RPS6KA6: variants seen among roughly 807,000 people sequenced by gnomAD.
RPS6KA6 encodes the protein ribosomal protein S6 kinase alpha-6.
Under a neutral mutation model 65.4 loss-of-function variants are expected in RPS6KA6, and 27 were observed. The observed-to-expected ratio is 0.41, with a 90% CI of 0.30 to 0.57. The LOEUF is 0.57. Ranked by LOEUF, RPS6KA6 falls within the 20% of genes least tolerant of loss-of-function variation. The probability of loss-of-function intolerance (pLI) is 0.24; values close to 1 mark genes in which losing one functional copy is unlikely to be tolerated. For synonymous variants in RPS6KA6, 190 were observed against 184.2 expected (o/e 1.03, Z -0.26); for missense variants, 486 against 555.6 (o/e 0.87, Z 1.26).
intron 8 of RPS6KA6, among the ~76,000 whole-genome samples, chrX:84,129,606 T>C (rs1381579854): frequency 2.7e-5 from 3 of 111,579 alleles, no homozygotes; most frequent in South Asian, 3.7e-4. Flanking sequence ...TAAATGCCCA[T>C]TGACAGACAA....
At chrX:84,096,019 CATGGTAAAACCAAA>C (rs1425175721) in intron 20 of RPS6KA6, among the ~76,000 whole-genome samples, 161 bp downstream of exon 20, 1 of 111,789 alleles carries the variant, frequency 8.9e-6, no homozygotes, top group Non-Finnish European at 1.9e-5. Context: ...GGCCCAGAAA[CATGGTAAAACCAAA>C]AGTTATCCTT....
chrX:84,181,819 T>C (rs1043304939), intron 1 of RPS6KA6, among the ~76,000 whole-genome samples: 3 of 111,026 alleles, frequency 2.7e-5, no homozygotes, highest in African/African-American at 9.8e-5. Context: ...ATTTTAAACA[T>C]GTCATAGACC....
chrX:84,093,525 C>A (rs1043785546), intron 20 of RPS6KA6, among the ~76,000 whole-genome samples: 12 of 111,907 alleles, frequency 1.1e-4, no homozygotes, highest in African/African-American at 3.9e-4. Flanking sequence ...AACACTATCC[C>A]TAATATCTTA....
At chrX:84,106,545 T>A in intron 14 of RPS6KA6, 58 bp from the exon 15 acceptor site, 1 of 835,555 alleles carries the variant, frequency 1.2e-6, no homozygotes, top group Middle Eastern at 3.0e-4. Context: ...ACATTTTCTG[T>A]CTTTTGTCCT....
At chrX:84,105,631 G>T (rs2034343621) in intron 16 of RPS6KA6, among the ~76,000 whole-genome samples, 156 bp downstream of exon 16, 1 of 107,530 alleles carries the variant, frequency 9.3e-6, no homozygotes, top group Admixed American at 1.0e-4. Flanking sequence ...TAGAATCATG[G>T]GAAAAAAAAG....
chrX:84,164,259 C>A, intron 2 of RPS6KA6, 69 bp downstream of exon 2: 1 of 816,139 alleles, frequency 1.2e-6, no homozygotes, highest in South Asian at 2.2e-5. Context: ...AGGAGCTTTT[C>A]TCCTTTCCCT....
At chrX:84,166,219 C>T (rs748401182) in intron 1 of RPS6KA6, among the ~76,000 whole-genome samples, 10 of 111,577 alleles carry the variant, frequency 9.0e-5, no homozygotes, top group Non-Finnish European at 1.5e-4. Context: ...ACTTTGGAGT[C>T]AACCTAACTA....
At chrX:84,142,420 C>T (rs980957626) in intron 6 of RPS6KA6, among the ~76,000 whole-genome samples, 1 of 110,622 alleles carries the variant, frequency 9.0e-6, no homozygotes, top group African/African-American at 3.3e-5. Flanking sequence ...AAAGAAAGGC[C>T]TCAAATCAAT....
At chrX:84,183,170 C>T (rs1436454315) in intron 1 of RPS6KA6, among the ~76,000 whole-genome samples, 1 of 111,706 alleles carries the variant, frequency 9.0e-6, no homozygotes, top group African/African-American at 3.3e-5. Context: ...AATACAGAGA[C>T]TTATATTGGC....
At chrX:84,173,336 T>C (rs2035715600) in intron 1 of RPS6KA6, among the ~76,000 whole-genome samples, 1 of 110,775 alleles carries the variant, frequency 9.0e-6, no homozygotes, top group African/African-American at 3.3e-5. Context: ...AGCTCTACTT[T>C]TACTGCCTTT....
At chrX:84,137,537 A>C (rs139406469) in intron 6 of RPS6KA6, among the ~76,000 whole-genome samples, 3,792 of 111,555 alleles carry the variant, frequency 0.034, 67 homozygotes, top group Non-Finnish European at 0.056. Flanking sequence ...ATACACGATA[A>C]AATTATTTTC....
intron 20 of RPS6KA6, among the ~76,000 whole-genome samples, chrX:84,073,203 A>G (rs1307170755): frequency 1.8e-5 from 2 of 111,691 alleles, no homozygotes; most frequent in African/African-American, 3.3e-5. Context: ...AACAGAACAG[A>G]CAACACAGAA....
At chrX:84,096,393 A>C in intron 19 of RPS6KA6, 82 bp from the exon 20 acceptor site, 2 of 404,242 alleles carry the variant, frequency 4.9e-6, no homozygotes, top group Non-Finnish European at 8.3e-6. Flanking sequence ...TACTACATGC[A>C]AATATTTACT....
At chrX:84,158,090 C>T (rs1050826247) in intron 2 of RPS6KA6, among the ~76,000 whole-genome samples, 1 of 110,405 alleles carries the variant, frequency 9.1e-6, no homozygotes, top group Non-Finnish European at 1.9e-5. Context: ...GCAGGTATTA[C>T]ACCACATTGA....
chrX:84,130,537 G>T, intron 8 of RPS6KA6, among the ~76,000 whole-genome samples: 1 of 111,458 alleles, frequency 9.0e-6, no homozygotes, highest in Non-Finnish European at 1.9e-5. Context: ...ATGGTAAAAA[G>T]AAAACCTATA....
At chrX:84,180,092 A>G (rs1454874010) in intron 1 of RPS6KA6, among the ~76,000 whole-genome samples, 4 of 111,422 alleles carry the variant, frequency 3.6e-5, no homozygotes, top group African/African-American at 9.8e-5. Context: ...TTCCCCTCAT[A>G]TGACGTTTTT....
intron 20 of RPS6KA6, among the ~76,000 whole-genome samples, chrX:84,091,360 G>A (rs1209089086): frequency 2.7e-5 from 3 of 112,238 alleles, no homozygotes; most frequent in Non-Finnish European, 5.6e-5. Context: ...ATCCAATTGA[G>A]TACTCATTAT....
intron 3 of RPS6KA6, among the ~76,000 whole-genome samples, chrX:84,155,040 T>C (rs1339778758): frequency 6.6e-5 from 7 of 105,480 alleles, no homozygotes; most frequent in Non-Finnish European, 1.4e-4. Flanking sequence ...TGTCCAGAAA[T>C]TTTTTTTTTT....
At chrX:84,074,755 G>A (rs192301403) in intron 20 of RPS6KA6, among the ~76,000 whole-genome samples, 151 of 111,502 alleles carry the variant, frequency 1.4e-3, no homozygotes, top group African/African-American at 4.6e-3. Flanking sequence ...AAAATTCACC[G>A]TATTTGGTAT....
Sources: gnomAD v4.1 joint callset for allele counts (sites outside exome capture counted in the v4.1 genomes callset) on GRCh38, gnomAD v4.1.1 for gene constraint, MANE v1.5 for transcripts, NCBI Gene and HGNC (gene_info 2026-07-23, HGNC 2026-07-21) for gene names.